The following CRTC3 variants were observed in gnomAD, a reference collection of about 807,000 sequenced individuals.
The protein encoded by CRTC3 is CREB-regulated transcription coactivator 3.
In CRTC3, 26 loss-of-function variants were observed where a neutral mutation model predicts 74.5. That is an observed-to-expected ratio of 0.35 (90% CI 0.26 to 0.48). CRTC3 has a LOEUF of 0.48. Ranked by LOEUF, CRTC3 falls within the 20% of genes least tolerant of loss-of-function variation. The pLI is 0.99. For missense variants in CRTC3, 760 were observed against 787.3 expected (o/e 0.97, Z 0.41); for synonymous variants, 377 against 325.8 (o/e 1.16, Z -1.69).
At chr15:90,542,744 A>G (rs1454912866) in intron 2 of CRTC3, among the ~76,000 whole-genome samples, 1 of 152,190 alleles carries the variant, frequency 6.6e-6, no homozygotes, top group Non-Finnish European at 1.5e-5. Flanking sequence ...TTCAGTCTGG[A>G]ACAGCTTTTC....
rs374984161 is a variant in CRTC3 at position 90,619,902 on chromosome 15, T to A, written c.749+112T>A. The A allele has an allele frequency of 3.9e-4, 333 of 850,276 alleles. 5 individuals are homozygous for A. In the South Asian group the frequency reaches 4.8e-3, roughly 12 times the overall value. The allele number at this position is 850,276 out of a possible 1,614,324, so 52.7% of individuals were successfully genotyped here. A position where few individuals can be genotyped will look rare whatever the true frequency, so the allele number is the denominator to read the frequency against. On this transcript the variant is annotated intron_variant, in intron 9 of 14. Transcript: ENST00000268184. ...GAAACGTAACTTGCTATGCATAAAT[T>A]GAAAGTCAACTGCATTTTCATAAAA... is the stretch of plus-strand genomic sequence containing the variant.
At chr15:90,576,605 A>G (rs1223583903) in intron 2 of CRTC3, among the ~76,000 whole-genome samples, 1 of 152,070 alleles carries the variant, frequency 6.6e-6, no homozygotes, top group African/African-American at 2.4e-5. Context: ...GCACTAAAGG[A>G]TGGTCAGGAA....
intron 3 of CRTC3, chr15:90,598,778 A>C: frequency 2.0e-6 from 1 of 492,052 alleles, no homozygotes; most frequent in East Asian, 3.7e-5. Context: ...GTGTCGATTT[A>C]TGAGTTACTG....
intron 2 of CRTC3, among the ~76,000 whole-genome samples, chr15:90,581,574 G>C (rs764377574): frequency 2.6e-5 from 4 of 151,984 alleles, no homozygotes; most frequent in East Asian, 1.9e-4. Flanking sequence ...AACTGAAAAG[G>C]CACCTTTAAT....
chr15:90,627,467 G>A (rs1968878499), intron 10 of CRTC3, among the ~76,000 whole-genome samples: 1 of 152,054 alleles, frequency 6.6e-6, no homozygotes, highest in Non-Finnish European at 1.5e-5. Flanking sequence ...TCAGCACATA[G>A]CTCCTTTGGG....
chr15:90,552,105 G>T (rs186233214), intron 2 of CRTC3, among the ~76,000 whole-genome samples: 61 of 152,230 alleles, frequency 4.0e-4, no homozygotes, highest in African/African-American at 1.3e-3. Flanking sequence ...TAATTGAATT[G>T]GCAAATGTTT....
In CRTC3 at chr15:90,551,092, ATAAT is replaced by A. The variant is rs544249088; in HGVS notation, c.231+10958_231+10961del. Among the ~76,000 whole-genome samples, 790 of 152,296 alleles carry A rather than the reference ATAAT, an allele frequency of 5.2e-3. 8 individuals carry two copies. The highest frequency in any genetic ancestry group is 0.018 in the African/African-American group (739 of 41,548). On this transcript the variant is annotated intron_variant, in intron 2 of 14. Coordinates refer to ENST00000268184, the MANE Select transcript of CRTC3 (RefSeq NM_022769.5). Reference sequence around the variant, plus strand: ...GCCATCTGGACAGTGTTGGGGTTACATAATTAGACTCCTCCCGACTGAGTCTCCT... The same window carrying A: ...GCCATCTGGACAGTGTTGGGGTTACATAGACTCCTCCCGACTGAGTCTCCT...
intron 2 of CRTC3, among the ~76,000 whole-genome samples, chr15:90,572,725 G>A (rs560661423): frequency 4.6e-5 from 7 of 152,122 alleles, no homozygotes; most frequent in Middle Eastern, 3.4e-3. Context: ...ACAGCTGTGC[G>A]TCACCATACC....
chr15:90,628,516 C>T (rs1479379708), intron 10 of CRTC3, among the ~76,000 whole-genome samples: 1 of 152,176 alleles, frequency 6.6e-6, no homozygotes, highest in Non-Finnish European at 1.5e-5. Flanking sequence ...AGGACAGGAT[C>T]CCCAGTTTCT....
At chr15:90,554,123 G>A (rs1596079262) in intron 2 of CRTC3, among the ~76,000 whole-genome samples, 1 of 152,008 alleles carries the variant, frequency 6.6e-6, no homozygotes, top group South Asian at 2.1e-4. Flanking sequence ...TCAGAGTTTT[G>A]TGGAGAAGAA....
chr15:90,540,071 T>C lies in CRTC3; in HGVS notation c.165T>C (p.Leu55=). ...TTCAGAAGCTTCAGCAACTGCGCCTTACACAGTACCATGGAGGATCCTTAC... is the reference window on the plus strand; with the variant it reads ...TTCAGAAGCTTCAGCAACTGCGCCTCACACAGTACCATGGAGGATCCTTAC... ...VQFQKLQQLR[L]TQYHGGSLPN... Residue 55 remains leucine, a synonymous_variant, in exon 2 of 15, where the codon CTT becomes CTC. Transcript: ENST00000268184. 1 of 1,613,658 alleles carries C rather than the reference T, an allele frequency of 6.2e-7. No homozygotes were observed. Among genetic ancestry groups the C allele is most frequent in the Non-Finnish European group, 8.5e-7 (1 of 1,179,840 alleles).
At chr15:90,589,853 G>T (rs966418022) in intron 2 of CRTC3, among the ~76,000 whole-genome samples, 1 of 151,898 alleles carries the variant, frequency 6.6e-6, no homozygotes, top group African/African-American at 2.4e-5. Flanking sequence ...CGGGTGTCGT[G>T]GCTTGTGCCT....
chr15:90,569,632 G>T (rs142079959), intron 2 of CRTC3, among the ~76,000 whole-genome samples: 1 of 151,648 alleles, frequency 6.6e-6, no homozygotes, highest in African/African-American at 2.4e-5. Flanking sequence ...CCAGGCTGGA[G>T]TGCATAGGTG....
chr15:90,602,087 G>A (rs1040645893), intron 3 of CRTC3, among the ~76,000 whole-genome samples: 9 of 151,920 alleles, frequency 5.9e-5, no homozygotes, highest in Non-Finnish European at 1.2e-4. Context: ...AAAAGTTGCC[G>A]GACAGGCAAA....
intron 2 of CRTC3, among the ~76,000 whole-genome samples, chr15:90,547,074 A>C (rs1966845557): frequency 6.6e-6 from 1 of 152,222 alleles, no homozygotes; most frequent in Non-Finnish European, 1.5e-5. Flanking sequence ...ATAATCATTT[A>C]TATACAATTC....
chr15:90,557,536 T>C (rs1052366641), intron 2 of CRTC3, among the ~76,000 whole-genome samples: 1 of 152,218 alleles, frequency 6.6e-6, no homozygotes, highest in African/African-American at 2.4e-5. Flanking sequence ...GAGGGGCTCG[T>C]ACATCTGCAC....
At chr15:90,593,994 AC>A (rs1967860562) in intron 3 of CRTC3, 1 of 371,478 alleles carries the variant, frequency 2.7e-6, no homozygotes, top group African/African-American at 2.0e-5. Flanking sequence ...AACAACAAAA[AC>A]AACCTGTAAT....
chr15:90,638,943 GCTAGAAGAGC>G, intron 13 of CRTC3, 128 bp downstream of exon 13: 1 of 783,348 alleles, frequency 1.3e-6, no homozygotes, highest in Non-Finnish European at 2.1e-6. Context: ...GTGTTCTGTG[GCTAGAAGAGC>G]CTTTCATCTT....
rs767763787 is a variant in CRTC3 at position 90,642,110 on chromosome 15, T to C, written c.1830T>C (p.Val610=). 1.2e-6 allele frequency: 2 copies of C among 1,614,032 alleles called. No homozygotes were observed. The highest frequency in any genetic ancestry group is 1.7e-6 in the Non-Finnish European group (2 of 1,180,022). ...GCATGGGCCTGCTGGACCCCTCTGT[T>C]GAAGAGACGTTTCGAGCTGACAGAC... ...DSSMGLLDPS[V]EETFRADRL The change falls in exon 15 of 15, where the codon GTT becomes GTC. Residue 610 remains valine (V), a synonymous_variant. Coordinates refer to ENST00000268184, the MANE Select transcript of CRTC3 (RefSeq NM_022769.5).
Sources: gnomAD v4.1 joint callset for allele counts (sites outside exome capture counted in the v4.1 genomes callset) on GRCh38, gnomAD v4.1.1 for gene constraint, MANE v1.5 for transcripts, NCBI Gene and HGNC (gene_info 2026-07-23, HGNC 2026-07-21) for gene names.